Variants in FLT1 observed in about 807,000 individuals in gnomAD.
FLT1 encodes vascular endothelial growth factor receptor 1.
In FLT1, 49 loss-of-function variants were observed where a neutral mutation model predicts 156.3. That is an observed-to-expected ratio of 0.31 (90% CI 0.25 to 0.40). The LOEUF is 0.40. Ranked by LOEUF, FLT1 falls within the 10% of genes least tolerant of loss-of-function variation. The pLI, the probability that FLT1 is intolerant of heterozygous loss-of-function variation, is 1.00. For missense variants in FLT1, 1,322 were observed against 1,637.2 expected, an observed-to-expected ratio of 0.81 and a Z score of 3.32; for synonymous variants, 594 against 583.8, an observed-to-expected ratio of 1.02 and a Z score of -0.25.
At chr13:28,360,703 G>A (rs903907087) in intron 14 of FLT1, among the ~76,000 whole-genome samples, 1 of 152,122 alleles carries the variant, frequency 6.6e-6, no homozygotes, top group Non-Finnish European at 1.5e-5. Context: ...AGTTGGATAC[G>A]GACAGGGAAG....
intron 1 of FLT1, among the ~76,000 whole-genome samples, chr13:28,487,668 C>T (rs1040978090): frequency 6.6e-6 from 1 of 152,124 alleles, no homozygotes; most frequent in African/African-American, 2.4e-5. Context: ...AATGTGTGAT[C>T]GGCAGCGGCA....
At chr13:28,414,250 G>A (rs1026622320) in intron 10 of FLT1, among the ~76,000 whole-genome samples, 6 of 152,084 alleles carry the variant, frequency 3.9e-5, no homozygotes, top group Non-Finnish European at 7.4e-5. Flanking sequence ...ACTTCTTCTC[G>A]CTCTTGACAA....
chr13:28,380,542 G>T (rs193023713), intron 14 of FLT1, among the ~76,000 whole-genome samples: 54 of 152,304 alleles, frequency 3.5e-4, no homozygotes, highest in Non-Finnish European at 1.3e-4. Flanking sequence ...TGGTATAGCT[G>T]AACTTAATAA....
intron 28 of FLT1, among the ~76,000 whole-genome samples, chr13:28,308,092 T>G (rs1439869048): frequency 6.6e-6 from 1 of 152,074 alleles, no homozygotes; most frequent in African/African-American, 2.4e-5. Flanking sequence ...TTCTTAAACA[T>G]TAATGTGTGC....
In FLT1 at chr13:28,355,640, G is replaced by C. The variant is rs115308984; in HGVS notation, c.2248+1914C>G. Among the ~76,000 whole-genome samples the C allele has an allele frequency of 8.3e-3, 1,268 of 152,316 alleles. 14 individuals carry two copies. The highest frequency in any genetic ancestry group is 0.029 in the African/African-American group (1,194 of 41,564). ...GATAAGAAGGATTTGGCTGGAATAGGGAATGGAGCCTACTCCAGGATGCAC... is the reference window on the plus strand; with the variant it reads ...GATAAGAAGGATTTGGCTGGAATAGCGAATGGAGCCTACTCCAGGATGCAC... On this transcript the variant is annotated intron_variant, in intron 15 of 29. Transcript: ENST00000282397.
chr13:28,426,639 C>G (rs1437290260), intron 10 of FLT1, among the ~76,000 whole-genome samples: 1 of 152,096 alleles, frequency 6.6e-6, no homozygotes, highest in Non-Finnish European at 1.5e-5. Flanking sequence ...AAGAGCTGAG[C>G]CATGGGGTTT....
chr13:28,351,955 G>C (rs538903202), intron 15 of FLT1, among the ~76,000 whole-genome samples: 4 of 152,190 alleles, frequency 2.6e-5, no homozygotes, highest in Non-Finnish European at 5.9e-5. Context: ...CTTACAACAA[G>C]CCTACAAAGA....
chr13:28,368,891 G>A (rs1327707221), intron 14 of FLT1, among the ~76,000 whole-genome samples: 1 of 151,764 alleles, frequency 6.6e-6, no homozygotes, highest in Non-Finnish European at 1.5e-5. Flanking sequence ...TTTTAGTTGA[G>A]ATGGGGTTTC....
chr13:28,459,494 C>G (rs976903533), intron 3 of FLT1, among the ~76,000 whole-genome samples: 1 of 152,148 alleles, frequency 6.6e-6, no homozygotes, highest in African/African-American at 2.4e-5. Flanking sequence ...GGGAGGGAAG[C>G]TCTTTGGATG....
In FLT1 at chr13:28,494,861, C is replaced by T. The variant is rs761324873; in HGVS notation, c.-18G>A. ...CTGACCATGGTGAGCGCGACGCGGCCTGCTCGCCCGGTGCCCGCGCTCCCC... is the reference window on the plus strand; with the variant it reads ...CTGACCATGGTGAGCGCGACGCGGCTTGCTCGCCCGGTGCCCGCGCTCCCC... On this transcript the variant is annotated 5_prime_UTR_variant, in exon 1 of 30. Coordinates refer to ENST00000282397, the MANE Select transcript of FLT1 (RefSeq NM_002019.4). The T allele has an allele frequency of 2.6e-6, 4 of 1,533,606 alleles. No homozygotes were observed. Among genetic ancestry groups the T allele is most frequent in the South Asian group, 2.4e-5 (2 of 83,024 alleles). 95.0% of individuals were successfully genotyped at this position (1,533,606 alleles called of 1,614,324 possible).
intron 29 of FLT1, among the ~76,000 whole-genome samples, chr13:28,303,579 A>G (rs543438551): frequency 8.4e-4 from 125 of 149,580 alleles, no homozygotes; most frequent in African/African-American, 2.8e-3. Flanking sequence ...CATTGGGCAG[A>G]AAGACAGTGG....
chr13:28,377,965 A>G (rs1424610667), intron 14 of FLT1, among the ~76,000 whole-genome samples: 1 of 152,204 alleles, frequency 6.6e-6, no homozygotes, highest in Non-Finnish European at 1.5e-5. Context: ...TAGTTTTTAA[A>G]AAAAATGCTT....
intron 10 of FLT1, among the ~76,000 whole-genome samples, chr13:28,415,869 G>C (rs1876616568): frequency 6.6e-6 from 1 of 152,214 alleles, no homozygotes; most frequent in Admixed American, 6.5e-5. Context: ...GGAATAAACA[G>C]TCAGAGGACC....
At chr13:28,381,644 A>T in intron 14 of FLT1, among the ~76,000 whole-genome samples, 1 of 152,208 alleles carries the variant, frequency 6.6e-6, no homozygotes, top group East Asian at 1.9e-4. Context: ...TCATGTATTT[A>T]TTCATCCTTT....
intron 12 of FLT1, among the ~76,000 whole-genome samples, chr13:28,394,194 G>T (rs1874904606): frequency 6.6e-6 from 1 of 152,100 alleles, no homozygotes; most frequent in Non-Finnish European, 1.5e-5. Flanking sequence ...ATCAAAACCA[G>T]AACTTTTCAG....
chr13:28,489,630 T>C (rs1284991982), intron 1 of FLT1, among the ~76,000 whole-genome samples: 1 of 152,152 alleles, frequency 6.6e-6, no homozygotes, highest in Non-Finnish European at 1.5e-5. Flanking sequence ...GGAAAAGGTC[T>C]TGCAGGCAGA....
intron 1 of FLT1, among the ~76,000 whole-genome samples, chr13:28,481,733 A>G (rs1451884485): frequency 1.3e-5 from 2 of 152,240 alleles, no homozygotes; most frequent in Non-Finnish European, 2.9e-5. Flanking sequence ...GGTGAATACT[A>G]AGAAATATGG....
chr13:28,396,309 G>A (rs762691935), intron 12 of FLT1, among the ~76,000 whole-genome samples: 2 of 152,212 alleles, frequency 1.3e-5, no homozygotes, highest in African/African-American at 4.8e-5. Flanking sequence ...TTGGGGGAGT[G>A]TGGAGCCAGG....
intron 10 of FLT1, among the ~76,000 whole-genome samples, chr13:28,415,167 A>G (rs1876571095): frequency 6.6e-6 from 1 of 152,190 alleles, no homozygotes; most frequent in Non-Finnish European, 1.5e-5. Flanking sequence ...GATAGGCACA[A>G]ATATTGGCTT....
Sources: gnomAD v4.1 joint callset for allele counts (sites outside exome capture counted in the v4.1 genomes callset) on GRCh38, gnomAD v4.1.1 for gene constraint, MANE v1.5 for transcripts, NCBI Gene and HGNC (gene_info 2026-07-23, HGNC 2026-07-21) for gene names.